CACNA1H: variants seen among roughly 807,000 people sequenced by gnomAD.
The protein encoded by CACNA1H is voltage-dependent T-type calcium channel subunit alpha-1H.
In CACNA1H, 149 loss-of-function variants were observed where a neutral mutation model predicts 192.5. The observed-to-expected ratio is 0.77, with a 90% CI of 0.68 to 0.89. CACNA1H has a LOEUF of 0.89. Ranked by LOEUF, CACNA1H falls within the 40% of genes least tolerant of loss-of-function variation. CACNA1H has a pLI of 0.00. For synonymous variants in CACNA1H, 2,202 were observed against 1,475.2 expected (o/e 1.49, Z -11.29); for missense variants, 4,257 against 3,423.5 (o/e 1.24, Z -6.08).
chr16:1,160,201 G>A (rs1272984990), intron 2 of CACNA1H: 1 of 152,228 alleles, frequency 6.6e-6, no homozygotes, highest in African/African-American at 2.4e-5. Context: ...GGGAAGGGCG[G>A]GGACTGTCCC....
chr16:1,197,764 G>A (rs546869240), intron 5 of CACNA1H, among the ~76,000 whole-genome samples: 1 of 152,302 alleles, frequency 6.6e-6, no homozygotes, highest in South Asian at 2.1e-4. Context: ...CTGGGTGCTG[G>A]GTGAGAACTC....
intron 2 of CACNA1H, among the ~76,000 whole-genome samples, chr16:1,177,837 G>T (rs1453309277): frequency 2.6e-5 from 4 of 151,866 alleles, no homozygotes; most frequent in African/African-American, 9.7e-5. Flanking sequence ...TGAGGGCTCC[G>T]CCGCTCCTGA....
At chr16:1,213,757 G>A (rs764078980) in intron 26 of CACNA1H, 23 bp from the exon 27 acceptor site, 4 of 1,518,830 alleles carry the variant, frequency 2.6e-6, no homozygotes, top group African/African-American at 1.4e-5. Context: ...CCTGCCCGGC[G>A]CTCATGGCCG....
intron 2 of CACNA1H, among the ~76,000 whole-genome samples, chr16:1,174,595 C>T (rs1458250061): frequency 2.0e-5 from 3 of 152,006 alleles, no homozygotes; most frequent in African/African-American, 4.8e-5. Context: ...TGTCTGGGCC[C>T]CTCCCCAAGC....
At chr16:1,184,750 T>G (rs1965813211) in intron 2 of CACNA1H, among the ~76,000 whole-genome samples, 1 of 152,206 alleles carries the variant, frequency 6.6e-6, no homozygotes, top group South Asian at 2.1e-4. Flanking sequence ...GTGCCGGGTC[T>G]CAATTCCTGG....
rs1380699530 is a variant in CACNA1H, at chr16:1,221,105, A to G, written c.*111A>G. The G allele has an allele frequency of 1.2e-6, 1 of 829,156 alleles. No individual in the cohort carries two copies. 51.4% of individuals were successfully genotyped at this position (829,156 alleles called of 1,614,324 possible). A position where few individuals can be genotyped will look rare whatever the true frequency, so the allele number is the denominator to read the frequency against. ...CCCTGACTTGGGTCCCGTCGTGAGC[A>G]GAAAGGCCCGGGGAGGATGACGGCC... On this transcript the variant is annotated 3_prime_UTR_variant, in exon 35 of 35. Coordinates refer to ENST00000348261, the MANE Select transcript of CACNA1H (RefSeq NM_021098.3).
chr16:1,157,506 C>G (rs755933725), intron 2 of CACNA1H: 1 of 152,096 alleles, frequency 6.6e-6, no homozygotes, highest in African/African-American at 2.4e-5. Context: ...GGGGCTGTCA[C>G]GCTGCTCCGC....
At chr16:1,177,972 A>AC (rs930976483) in intron 2 of CACNA1H, among the ~76,000 whole-genome samples, 3 of 133,466 alleles carry the variant, frequency 2.2e-5, no homozygotes, top group Admixed American at 1.5e-4. Flanking sequence ...TCTCCCTGGG[A>AC]CCCCCGGGGT....
chr16:1,159,173 C>T (rs559479295), intron 2 of CACNA1H, among the ~76,000 whole-genome samples: 2 of 152,320 alleles, frequency 1.3e-5, no homozygotes, highest in South Asian at 4.1e-4. Context: ...GGCCAGTTCC[C>T]CGCAGAGTGC....
At position 1,204,397 on chromosome 16, in the gene CACNA1H, G is replaced by A. The variant is rs200791167; in HGVS notation, c.2390G>A (p.Arg797His). The change falls in exon 10 of 35, where the codon CGT becomes CAT. Residue 797 changes from arginine (R) to histidine (H), a missense_variant. Arg to His is a conservative substitution (Grantham distance 29). Transcript: ENST00000348261. Reference sequence around the variant, plus strand: ...ATCGTGGACAGCAAGTACTTCAGCCGTGGCATCATGATGGCCATCCTTGTC... The same window carrying A: ...ATCGTGGACAGCAAGTACTTCAGCCATGGCATCATGATGGCCATCCTTGTC... ...RRIVDSKYFS[R>H]GIMMAILVNT... 37 of 1,556,866 alleles carry A rather than the reference G, an allele frequency of 2.4e-5. No homozygotes were observed. In the African/African-American group the frequency reaches 2.8e-4, roughly 12 times the overall value.
Position 1,198,920 on chromosome 16 carries a change from G to C in CACNA1H, c.803+146G>C, listed in dbSNP as rs1445566062. 8.9e-5 allele frequency: 65 copies of C among 732,978 alleles called. No homozygotes were observed. In the East Asian group the frequency reaches 1.4e-3, roughly 15 times the overall value. 45.4% of individuals were successfully genotyped at this position (732,978 alleles called of 1,614,324 possible). A position where few individuals can be genotyped will look rare whatever the true frequency, so the allele number is the denominator to read the frequency against. On this transcript the variant is annotated intron_variant, in intron 6 of 34. Transcript: ENST00000348261. ...CCACTGCTGTCCCCGTCATGGCTCCGTCCACCATGCTGTCTCCCGCCCCCA... is the reference window on the plus strand; with the variant it reads ...CCACTGCTGTCCCCGTCATGGCTCCCTCCACCATGCTGTCTCCCGCCCCCA...
chr16:1,178,686 C>T (rs959815562), intron 2 of CACNA1H, among the ~76,000 whole-genome samples: 2 of 152,216 alleles, frequency 1.3e-5, no homozygotes, highest in Non-Finnish European at 2.9e-5. Context: ...CACACTGTCC[C>T]TCGGGTCCCT....
intron 23 of CACNA1H, 46 bp from the exon 24 acceptor site, chr16:1,211,670 G>C (rs757940174): frequency 6.2e-7 from 1 of 1,610,456 alleles, no homozygotes; most frequent in East Asian, 2.2e-5. Context: ...GAGGGCCGGC[G>C]ACCCCAGCTC....
chr16:1,200,771 C>T lies in CACNA1H; in HGVS notation c.1175C>T (p.Ser392Leu). The T allele has an allele frequency of 6.4e-6, 10 of 1,554,556 alleles. No homozygotes were observed. The highest frequency in any genetic ancestry group is 5.2e-6 in the Non-Finnish European group (6 of 1,148,872). Residue 392 changes from serine to leucine, a missense_variant, in exon 8 of 35, where the codon TCA becomes TTA. Transcript: ENST00000348261. ...DIMYYVMDAH[S>L]FYNFIYFILL... ...ATGTACTACGTCATGGACGCCCACT[C>T]ATTCTACAACTTCATCTATTTCATC... is the stretch of plus-strand genomic sequence containing the variant.
At chr16:1,203,157 C>T (rs979077656) in intron 9 of CACNA1H, among the ~76,000 whole-genome samples, 4 of 152,130 alleles carry the variant, frequency 2.6e-5, no homozygotes, top group Non-Finnish European at 5.9e-5. Flanking sequence ...GTACCCAGGG[C>T]GTGCAGACGA....
At chr16:1,161,094 G>A (rs989255568) in intron 2 of CACNA1H, among the ~76,000 whole-genome samples, 3 of 152,154 alleles carry the variant, frequency 2.0e-5, no homozygotes, top group African/African-American at 7.2e-5. Flanking sequence ...CTGCTTTGAT[G>A]TCTGCAGAAC....
chr16:1,194,504 G>C (rs190390103), intron 2 of CACNA1H, among the ~76,000 whole-genome samples: 2 of 152,296 alleles, frequency 1.3e-5, no homozygotes, highest in Admixed American at 6.5e-5. Flanking sequence ...GTCCTGTCCG[G>C]TGGGTTGCAT....
intron 3 of CACNA1H, 107 bp downstream of exon 3, chr16:1,195,190 G>A: frequency 3.2e-6 from 3 of 928,904 alleles, no homozygotes; most frequent in Non-Finnish European, 4.9e-6. Context: ...GGGGCGTGGA[G>A]TGGGTCAGGG....
intron 2 of CACNA1H, among the ~76,000 whole-genome samples, chr16:1,169,990 C>T (rs997284623): frequency 6.6e-6 from 1 of 152,204 alleles, no homozygotes; most frequent in Non-Finnish European, 1.5e-5. Context: ...GTTTTAATTC[C>T]TAATTTAGAC....
Sources: gnomAD v4.1 joint callset for allele counts (sites outside exome capture counted in the v4.1 genomes callset) on GRCh38, gnomAD v4.1.1 for gene constraint, MANE v1.5 for transcripts, NCBI Gene and HGNC (gene_info 2026-07-23, HGNC 2026-07-21) for gene names.